The following ELMO1 variants were observed in gnomAD, a reference collection of about 807,000 sequenced individuals.
ELMO1 encodes engulfment and cell motility 1.
Under a neutral mutation model 98.9 loss-of-function variants are expected in ELMO1, and 26 were observed. The observed-to-expected ratio is 0.26, with a 90% confidence interval of 0.19 to 0.36. ELMO1 has a LOEUF of 0.36. Among genes scored for constraint, ELMO1 ranks in the 10% least tolerant of loss-of-function variants. The pLI is 1.00. For missense variants in ELMO1, 627 were observed against 935.2 expected (o/e 0.67, Z 4.30); for synonymous variants, 346 against 346.0 (o/e 1.00, Z 0.00).
intron 4 of ELMO1, among the ~76,000 whole-genome samples, chr7:37,297,776 CTG>C (rs926656325): frequency 5.9e-5 from 9 of 152,126 alleles, no homozygotes; most frequent in African/African-American, 2.2e-4. Context: ...GCCTTGCAAA[CTG>C]TGTTGTTGGC....
chr7:36,963,404 A>T (rs4720232), intron 16 of ELMO1, among the ~76,000 whole-genome samples: 95,375 of 135,114 alleles, frequency 0.71, 31,990 homozygotes, highest in Middle Eastern at 0.78. Context: ...AATAAATAAA[A>T]AAATAAATAA....
chr7:37,074,069 TTAAATA>T (rs1562983371), intron 15 of ELMO1, among the ~76,000 whole-genome samples: 1 of 148,524 alleles, frequency 6.7e-6, no homozygotes, highest in African/African-American at 2.4e-5. Flanking sequence ...TACAGTATAA[TTAAATA>T]TATAGTATAA....
chr7:36,913,603 T>A (rs1028650180), intron 16 of ELMO1, among the ~76,000 whole-genome samples: 1 of 152,042 alleles, frequency 6.6e-6, no homozygotes, highest in Non-Finnish European at 1.5e-5. Context: ...CACATACGAG[T>A]CAACAAATAA....
At chr7:37,237,681 T>C (rs894597593) in intron 7 of ELMO1, among the ~76,000 whole-genome samples, 1 of 152,254 alleles carries the variant, frequency 6.6e-6, no homozygotes, top group African/African-American at 2.4e-5. Flanking sequence ...TCAAGGTTAA[T>C]GGCCACAGTT....
intron 13 of ELMO1, among the ~76,000 whole-genome samples, chr7:37,154,517 ATACACAAGCT>A (rs1384492946): frequency 2.0e-5 from 3 of 152,254 alleles, no homozygotes; most frequent in Non-Finnish European, 4.4e-5. Flanking sequence ...TGCGTGAAGC[ATACACAAGCT>A]TCAATAGCCG....
At chr7:37,070,937 C>A (rs923045573) in intron 15 of ELMO1, among the ~76,000 whole-genome samples, 1 of 152,150 alleles carries the variant, frequency 6.6e-6, no homozygotes, top group Non-Finnish European at 1.5e-5. Flanking sequence ...AGATTTATGT[C>A]AATGAGCCTA....
At chr7:37,212,882 A>G (rs1793059026) in intron 12 of ELMO1, among the ~76,000 whole-genome samples, 1 of 152,094 alleles carries the variant, frequency 6.6e-6, no homozygotes, top group South Asian at 2.1e-4. Flanking sequence ...AACCGACAGA[A>G]ATGCTGGCCC....
chr7:37,233,468 T>C (rs940767729), intron 7 of ELMO1, among the ~76,000 whole-genome samples: 35 of 152,182 alleles, frequency 2.3e-4, no homozygotes, highest in Non-Finnish European at 4.3e-4. Flanking sequence ...TGAGCTGTGT[T>C]GTTCTGGGCA....
At chr7:37,418,465 C>G (rs1207958938) in intron 1 of ELMO1, among the ~76,000 whole-genome samples, 2 of 152,134 alleles carry the variant, frequency 1.3e-5, no homozygotes, top group Non-Finnish European at 2.9e-5. Context: ...GTGGCCTGGC[C>G]CAGTACATTG....
chr7:37,107,082 CA>C (rs1784993452), intron 14 of ELMO1, among the ~76,000 whole-genome samples: 1 of 152,158 alleles, frequency 6.6e-6, no homozygotes, highest in East Asian at 1.9e-4. Context: ...ACCCTTTGAC[CA>C]ATTCATTCAT....
intron 4 of ELMO1, among the ~76,000 whole-genome samples, chr7:37,309,629 C>A (rs970305939): frequency 6.6e-6 from 1 of 152,188 alleles, no homozygotes; most frequent in Admixed American, 6.5e-5. Flanking sequence ...CTTTCCTGGG[C>A]GTGAGTTTGC....
chr7:36,899,684 C>CTTTTTTTTTTTTCTT (rs1806336357), intron 16 of ELMO1, among the ~76,000 whole-genome samples: 1 of 63,664 alleles, frequency 1.6e-5, no homozygotes, highest in Admixed American at 2.4e-4. Flanking sequence ...CTTTACTCAT[C>CTTTTTTTTTTTTCTT]TTTTTTTTTT....
At chr7:37,237,785 A>G (rs975134771) in intron 7 of ELMO1, among the ~76,000 whole-genome samples, 3 of 152,222 alleles carry the variant, frequency 2.0e-5, no homozygotes, top group Admixed American at 1.3e-4. Context: ...GTCATCCTAT[A>G]GACACACCCC....
At chr7:37,211,659 T>C (rs1563080007) in intron 12 of ELMO1, 142 bp from the exon 13 acceptor site, 6 of 1,182,386 alleles carry the variant, frequency 5.1e-6, no homozygotes, top group Non-Finnish European at 6.9e-6. Context: ...AGAGAACCAA[T>C]GTTCTAAGTT....
At chr7:37,267,430 C>T (rs1796321095) in intron 5 of ELMO1, among the ~76,000 whole-genome samples, 1 of 152,200 alleles carries the variant, frequency 6.6e-6, no homozygotes. Flanking sequence ...ATGCATATAG[C>T]CATGCTTGGG....
intron 1 of ELMO1, among the ~76,000 whole-genome samples, chr7:37,391,810 C>T (rs969349207): frequency 2.0e-5 from 3 of 152,314 alleles, no homozygotes; most frequent in Non-Finnish European, 2.9e-5. Context: ...ATACAAGGAA[C>T]GATTTGGGAC....
At chr7:37,336,007 G>A (rs1489010222) in intron 2 of ELMO1, among the ~76,000 whole-genome samples, 3 of 152,022 alleles carry the variant, frequency 2.0e-5, no homozygotes, top group Non-Finnish European at 4.4e-5. Context: ...TGGGAGGATC[G>A]CTTAAGTCCA....
chr7:37,024,710 G>A (rs148191699), intron 15 of ELMO1, among the ~76,000 whole-genome samples: 2 of 152,304 alleles, frequency 1.3e-5, no homozygotes, highest in East Asian at 1.9e-4. Context: ...AAGATATAGT[G>A]GAAAGATTCC....
chr7:37,089,322 T>C (rs2129245817), intron 15 of ELMO1, among the ~76,000 whole-genome samples: 1 of 152,332 alleles, frequency 6.6e-6, no homozygotes, highest in South Asian at 2.1e-4. Context: ...AACATTTTCA[T>C]AATGTGTAAT....
Sources: gnomAD v4.1 joint callset for allele counts (sites outside exome capture counted in the v4.1 genomes callset) on GRCh38, gnomAD v4.1.1 for gene constraint, MANE v1.5 for transcripts, NCBI Gene and HGNC (gene_info 2026-07-23, HGNC 2026-07-21) for gene names.